Variants in DGKI observed in about 807,000 individuals in gnomAD.
DGKI encodes DAG kinase iota.
Under a neutral mutation model 147.5 loss-of-function variants are expected in DGKI, and 55 were observed. The ratio of observed to expected loss-of-function variants is 0.37; its 90% CI spans 0.30 to 0.47. DGKI has a LOEUF of 0.47. DGKI is among the 20% of genes least tolerant of loss of function. DGKI has a pLI of 1.00. For missense variants in DGKI, 1,007 were observed against 1,323.8 expected (o/e 0.76, Z 3.71); for synonymous variants, 469 against 477.1 (o/e 0.98, Z 0.22).
intron 2 of DGKI, among the ~76,000 whole-genome samples, chr7:137,685,287 G>A (rs768228558): frequency 3.9e-5 from 6 of 152,196 alleles, no homozygotes; most frequent in Non-Finnish European, 7.3e-5. Flanking sequence ...AATCAAGGGT[G>A]CTGGGTTTAA....
chr7:137,639,625 ACAG>A (rs1821549901), intron 6 of DGKI, among the ~76,000 whole-genome samples: 1 of 152,156 alleles, frequency 6.6e-6, no homozygotes, highest in Non-Finnish European at 1.5e-5. Flanking sequence ...AGCAGGCCCA[ACAG>A]CAGCAGCCAG....
intron 14 of DGKI, 56 bp from the exon 15 acceptor site, chr7:137,581,984 A>G: frequency 1.4e-6 from 2 of 1,441,314 alleles, no homozygotes; most frequent in South Asian, 1.1e-5. Flanking sequence ...CAGAAAGAGA[A>G]GAATAAAACC....
chr7:137,616,641 T>C (rs931053146), intron 8 of DGKI, among the ~76,000 whole-genome samples: 4 of 151,922 alleles, frequency 2.6e-5, no homozygotes, highest in East Asian at 3.9e-4. Flanking sequence ...GTTCCAATGG[T>C]TGGAGATGAA....
At chr7:137,576,019 G>T (rs2128978165) in intron 17 of DGKI, among the ~76,000 whole-genome samples, 2 of 147,836 alleles carry the variant, frequency 1.4e-5, no homozygotes, top group South Asian at 2.2e-4. Flanking sequence ...GTTCTCTCTT[G>T]TCAAAATTAA....
chr7:137,554,920 T>C (rs920422995), intron 19 of DGKI, among the ~76,000 whole-genome samples: 31 of 142,536 alleles, frequency 2.2e-4, no homozygotes, highest in Admixed American at 1.7e-3. Context: ...TTTTCTTTTT[T>C]TTTTTTTTTT....
chr7:137,643,604 C>T (rs555079149), intron 6 of DGKI, among the ~76,000 whole-genome samples: 1 of 152,256 alleles, frequency 6.6e-6, no homozygotes, highest in South Asian at 2.1e-4. Flanking sequence ...ATGTGACAAG[C>T]TGGATCACTG....
chr7:137,588,759 A>C (rs1220181293), intron 12 of DGKI, among the ~76,000 whole-genome samples: 2 of 152,212 alleles, frequency 1.3e-5, no homozygotes, highest in African/African-American at 4.8e-5. Flanking sequence ...TACAGGCGTG[A>C]GCCACCGTGC....
At chr7:137,742,663 G>A (rs1198743045) in intron 1 of DGKI, among the ~76,000 whole-genome samples, 1 of 152,010 alleles carries the variant, frequency 6.6e-6, no homozygotes, top group African/African-American at 2.4e-5. Flanking sequence ...TGAAAGCCTA[G>A]ATGTATAAAT....
chr7:137,824,449 G>A (rs1280900980), intron 1 of DGKI, among the ~76,000 whole-genome samples: 8 of 146,500 alleles, frequency 5.5e-5, no homozygotes, highest in African/African-American at 2.0e-4. Flanking sequence ...CTTGGAAATA[G>A]AGATTGCAGT....
chr7:137,671,986 G>A (rs1822856363), intron 3 of DGKI, among the ~76,000 whole-genome samples: 1 of 152,130 alleles, frequency 6.6e-6, no homozygotes, highest in Non-Finnish European at 1.5e-5. Context: ...GATATATCTG[G>A]TAACAGCATC....
chr7:137,402,788 A>T (rs1811808915), intron 30 of DGKI, among the ~76,000 whole-genome samples: 1 of 152,122 alleles, frequency 6.6e-6, no homozygotes, highest in Non-Finnish European at 1.5e-5. Flanking sequence ...TGGGAATGCT[A>T]ACAGTACTGT....
intron 17 of DGKI, among the ~76,000 whole-genome samples, chr7:137,576,246 C>G (rs1435654657): frequency 6.6e-6 from 1 of 151,934 alleles, no homozygotes; most frequent in South Asian, 2.1e-4. Context: ...CCATTTTGCC[C>G]AGGCTGCTCT....
At chr7:137,545,787 G>A in intron 20 of DGKI, 1 of 528,742 alleles carries the variant, frequency 1.9e-6, no homozygotes, top group Non-Finnish European at 3.4e-6. Flanking sequence ...ATTCTGGTGA[G>A]GTGGCTTCCT....
chr7:137,839,128 T>C (rs541861984), intron 1 of DGKI, among the ~76,000 whole-genome samples: 2 of 152,332 alleles, frequency 1.3e-5, no homozygotes, highest in South Asian at 4.1e-4. Flanking sequence ...TTTGGATTGC[T>C]GCTACCTGAT....
At chr7:137,429,137 A>G (rs1585106505) in intron 28 of DGKI, among the ~76,000 whole-genome samples, 1 of 152,208 alleles carries the variant, frequency 6.6e-6, no homozygotes, top group African/African-American at 2.4e-5. Context: ...GAATCACACT[A>G]CCTGACTTCA....
intron 1 of DGKI, among the ~76,000 whole-genome samples, chr7:137,692,638 A>G (rs867227305): frequency 6.6e-6 from 1 of 152,328 alleles, no homozygotes; most frequent in East Asian, 1.9e-4. Context: ...AAATAATCAA[A>G]TTAGGATTCA....
intron 28 of DGKI, among the ~76,000 whole-genome samples, chr7:137,428,780 C>A (rs185072315): frequency 0.35 from 52,515 of 151,688 alleles, 9,858 homozygotes; most frequent in East Asian, 0.65. Context: ...AGAGCCAAAT[C>A]ATGAGTGAAC....
intron 20 of DGKI, among the ~76,000 whole-genome samples, chr7:137,540,762 C>CAA (rs1563075698): frequency 3.4e-5 from 2 of 58,404 alleles, no homozygotes; most frequent in African/African-American, 9.6e-5. Flanking sequence ...AAAACCCCCC[C>CAA]AAAAAAAAAA....
At chr7:137,414,594 T>C (rs1371465853) in intron 28 of DGKI, among the ~76,000 whole-genome samples, 2 of 150,978 alleles carry the variant, frequency 1.3e-5, no homozygotes, top group East Asian at 3.9e-4. Context: ...TTTATAAATG[T>C]CCATAGTGGA....
Sources: allele counts gnomAD v4.1 joint callset (sites outside exome capture counted in the v4.1 genomes callset), GRCh38; gene constraint gnomAD v4.1.1; transcripts MANE v1.5; gene names NCBI Gene and HGNC (gene_info 2026-07-23, HGNC 2026-07-21).